Variants in ANK2 observed in about 807,000 individuals in gnomAD.
ANK2 encodes the protein ankyrin-2.
In ANK2, 83 loss-of-function variants were observed where a neutral mutation model predicts 360.5. That is an observed-to-expected ratio of 0.23 (90% CI 0.19 to 0.28). The LOEUF (loss-of-function observed/expected upper bound fraction) is 0.28, where lower values mean the gene tolerates loss of function less well. ANK2 is among the 10% of genes least tolerant of loss of function. The pLI is 1.00. For synonymous variants in ANK2, 1,740 were observed against 1,759.5 expected (o/e 0.99, Z 0.28); for missense variants, 4,201 against 4,795.7 (o/e 0.88, Z 3.66).
intron 1 of ANK2, among the ~76,000 whole-genome samples, chr4:113,164,318 G>A (rs932051099): frequency 2.6e-5 from 4 of 152,142 alleles, no homozygotes. Flanking sequence ...TCTTCATGGG[G>A]CCACACTAAG....
At chr4:112,786,068 C>T in the ANK2 span, among the ~76,000 whole-genome samples, 1 of 151,974 alleles carries the variant, frequency 6.6e-6, no homozygotes, top group Admixed American at 6.6e-5. Flanking sequence ...TCTTGAACTC[C>T]TAGCCTCAAG....
intron 1 of ANK2, among the ~76,000 whole-genome samples, chr4:113,110,831 T>C (rs1209073842): frequency 1.3e-5 from 2 of 152,218 alleles, no homozygotes; most frequent in Non-Finnish European, 2.9e-5. Flanking sequence ...ATGTTTGTGT[T>C]TTAACAATAA....
At chr4:113,370,838 G>C (rs2096713193) in intron 43 of ANK2, among the ~76,000 whole-genome samples, 1 of 152,082 alleles carries the variant, frequency 6.6e-6, no homozygotes, top group Admixed American at 6.6e-5. Context: ...GAATTGATTG[G>C]AGAGCTTGAT....
Position 113,232,236 on chromosome 4 carries a change from G to T in ANK2, c.460G>T (p.Ala154Ser). The T allele has an allele frequency of 6.3e-7, 1 of 1,597,768 alleles. No homozygotes were observed. The highest frequency in any genetic ancestry group is 1.3e-5 in the African/African-American group (1 of 74,640). Residue 154 changes from alanine (A) to serine (S), a missense_variant, in exon 5 of 46, where the codon GCT becomes TCT. Transcript: ENST00000357077. ...TGTAAAATATTTGCTGGAAAATGGA[G>T]CTAATCAGAGCACTGCTACAGAGGT... Reference protein sequence around the residue: ...DVVKYLLENGANQSTATEDGF... With the variant: ...DVVKYLLENGSNQSTATEDGF...
chr4:113,141,072 T>C (rs541368475), intron 1 of ANK2, among the ~76,000 whole-genome samples: 61 of 152,322 alleles, frequency 4.0e-4, no homozygotes, highest in African/African-American at 1.4e-3. Context: ...CAAAGTCCTA[T>C]AAAGCTGTCC....
At chr4:113,239,197 T>C (rs754312202) in intron 7 of ANK2, among the ~76,000 whole-genome samples, 1 of 152,134 alleles carries the variant, frequency 6.6e-6, no homozygotes, top group African/African-American at 2.4e-5. Flanking sequence ...TGATCATAGA[T>C]AGGGGATTTG....
chr4:113,213,758 AT>A (rs1436725986), intron 4 of ANK2, among the ~76,000 whole-genome samples: 2 of 152,126 alleles, frequency 1.3e-5, no homozygotes, highest in Non-Finnish European at 2.9e-5. Flanking sequence ...CCAACTAGGA[AT>A]ATCAGGTTCT....
intron 1 of ANK2, among the ~76,000 whole-genome samples, chr4:113,122,944 ACTT>A (rs1321081229): frequency 6.6e-6 from 1 of 151,110 alleles, no homozygotes; most frequent in Non-Finnish European, 1.5e-5. Context: ...ATTATAAAGA[ACTT>A]CTTTTGACCA....
At chr4:113,063,408 T>C (rs1249973438) in intron 1 of ANK2, among the ~76,000 whole-genome samples, 1 of 152,148 alleles carries the variant, frequency 6.6e-6, no homozygotes, top group African/African-American at 2.4e-5. Context: ...TTCTTCTCTG[T>C]GTCTAGTCAA....
chr4:112,713,469 A>G, the ANK2 span, among the ~76,000 whole-genome samples: 1 of 151,738 alleles, frequency 6.6e-6, no homozygotes, highest in African/African-American at 2.4e-5. Context: ...CTCGGGAAGC[A>G]GAGGCAGGAG....
chr4:112,789,177 A>G, the ANK2 span, among the ~76,000 whole-genome samples: 2 of 152,206 alleles, frequency 1.3e-5, no homozygotes, highest in Non-Finnish European at 2.9e-5. Context: ...ATACTGTGGT[A>G]AAATGGAAAG....
In ANK2 at chr4:112,823,252, T is replaced by C. The variant is rs560424274; in HGVS notation, c.-40+4988T>C. On this transcript the variant is annotated intron_variant, in intron 1 of 30. Coordinates refer to the ANK2 transcript ENST00000503271. ...CTGGTTGAGTGAGGGTATCTCTTCA[T>C]TGTAGACATTAAACTGTAGTGATAT... Among the ~76,000 whole-genome samples, 72 of 152,346 alleles carry C rather than the reference T, an allele frequency of 4.7e-4. No homozygotes were observed. In the South Asian group the frequency reaches 5.6e-3, roughly 12 times the overall value.
At chr4:112,945,556 G>T (rs561925719) in intron 2 of ANK2, among the ~76,000 whole-genome samples, 1 of 152,230 alleles carries the variant, frequency 6.6e-6, no homozygotes, top group Admixed American at 6.5e-5. Flanking sequence ...ACATCAGTTG[G>T]AGGAACCTTG....
At chr4:113,317,577 G>C (rs907006537) in intron 24 of ANK2, 130 bp from the exon 25 acceptor site, 27 of 724,994 alleles carry the variant, frequency 3.7e-5, no homozygotes, top group Middle Eastern at 3.6e-4. Flanking sequence ...ACAGAGACTT[G>C]TGTCCCCCTG....
the ANK2 span, among the ~76,000 whole-genome samples, chr4:112,712,865 T>G: frequency 2.6e-5 from 4 of 152,212 alleles, no homozygotes; most frequent in Admixed American, 2.0e-4. Context: ...TGTTTTTTAA[T>G]AGACATATAG....
intron 1 of ANK2, among the ~76,000 whole-genome samples, chr4:113,092,936 G>A (rs2089255372): frequency 6.6e-6 from 1 of 151,990 alleles, no homozygotes; most frequent in Admixed American, 6.6e-5. Context: ...AAAATTAGAA[G>A]GAGATAAATT....
At chr4:112,934,586 A>G (rs2154240623) in intron 2 of ANK2, among the ~76,000 whole-genome samples, 1 of 152,216 alleles carries the variant, frequency 6.6e-6, no homozygotes, top group South Asian at 2.1e-4. Flanking sequence ...TCCTCTCCTC[A>G]GTATTTATTG....
chr4:113,219,258 A>G (rs1416146134), intron 4 of ANK2, among the ~76,000 whole-genome samples: 4 of 152,138 alleles, frequency 2.6e-5, no homozygotes, highest in African/African-American at 4.8e-5. Flanking sequence ...CCCAATTTCA[A>G]TATTCAAATA....
intron 14 of ANK2, 129 bp downstream of exon 14, chr4:113,265,124 G>A: frequency 1.1e-6 from 1 of 886,362 alleles, no homozygotes; most frequent in Middle Eastern, 2.3e-4. Context: ...CAATTCAATA[G>A]CAGTTTTCCA....
Sources: allele counts gnomAD v4.1 joint callset (sites outside exome capture counted in the v4.1 genomes callset), GRCh38; gene constraint gnomAD v4.1.1; transcripts MANE v1.5; gene names NCBI Gene and HGNC (gene_info 2026-07-23, HGNC 2026-07-21).